Variants in OLA1 observed in about 807,000 individuals in gnomAD.
The protein encoded by OLA1 is obg-like ATPase 1.
In OLA1, 14 loss-of-function variants were observed where a neutral mutation model predicts 48.4. That is an observed-to-expected ratio of 0.29 (90% CI 0.19 to 0.45). The LOEUF is 0.45. Among genes scored for constraint, OLA1 ranks in the 20% least tolerant of loss-of-function variants. OLA1 has a pLI of 1.00. For synonymous variants in OLA1, 127 were observed against 150.4 expected (o/e 0.84, Z 1.14); for missense variants, 325 against 467.1 (o/e 0.70, Z 2.80).
intron 7 of OLA1, among the ~76,000 whole-genome samples, chr2:174,119,344 C>T (rs980047709): frequency 6.6e-6 from 1 of 151,954 alleles, no homozygotes; most frequent in African/African-American, 2.4e-5. Context: ...GTAATCTTTC[C>T]AAAGCAGAAT....
At chr2:174,081,070 G>T in intron 9 of OLA1, 82 bp downstream of exon 9, 1 of 1,188,950 alleles carries the variant, frequency 8.4e-7, no homozygotes, top group South Asian at 1.3e-5. Context: ...CCGCCACCAT[G>T]ACAAACTTCA....
At chr2:174,193,140 A>G (rs1388080394) in intron 4 of OLA1, among the ~76,000 whole-genome samples, 1 of 144,574 alleles carries the variant, frequency 6.9e-6, no homozygotes. Flanking sequence ...CCCAGGCTGG[A>G]GTGCAGTGGC....
intron 4 of OLA1, among the ~76,000 whole-genome samples, chr2:174,165,153 T>G (rs1687131545): frequency 1.3e-5 from 2 of 152,190 alleles, no homozygotes; most frequent in Non-Finnish European, 2.9e-5. Flanking sequence ...TTCTAAGCCA[T>G]TTTGAACTGG....
chr2:174,182,315 G>A (rs139280194), intron 4 of OLA1, among the ~76,000 whole-genome samples: 4 of 152,146 alleles, frequency 2.6e-5, no homozygotes, highest in Admixed American at 2.0e-4. Context: ...ACCTGAGGTC[G>A]GGAGTTCGAG....
At chr2:174,160,459 G>C (rs1686984974) in intron 4 of OLA1, among the ~76,000 whole-genome samples, 1 of 152,098 alleles carries the variant, frequency 6.6e-6, no homozygotes, top group Non-Finnish European at 1.5e-5. Flanking sequence ...TTTTTGAAAA[G>C]AGATTCAACC....
chr2:174,103,926 GCA>G (rs1685456090), intron 7 of OLA1, among the ~76,000 whole-genome samples: 3 of 152,130 alleles, frequency 2.0e-5, no homozygotes, highest in Admixed American at 2.0e-4. Flanking sequence ...TTCTGTGGAA[GCA>G]CAGAGTCATC....
At chr2:174,216,565 A>G (rs1195931732) in intron 4 of OLA1, among the ~76,000 whole-genome samples, 1 of 151,972 alleles carries the variant, frequency 6.6e-6, no homozygotes, top group African/African-American at 2.4e-5. Context: ...CTTACTTTTT[A>G]TTTTTAAGAC....
At chr2:174,247,120 G>A (rs73037875) in intron 1 of OLA1, 27,151 of 185,862 alleles carry the variant, frequency 0.15, 2,548 homozygotes, top group Middle Eastern at 0.21. Context: ...CTTTGGGAGG[G>A]GGAGGCCGAG....
At chr2:174,150,104 GAA>G (rs1438033576) in intron 4 of OLA1, among the ~76,000 whole-genome samples, 2 of 152,204 alleles carry the variant, frequency 1.3e-5, no homozygotes, top group Non-Finnish European at 2.9e-5. Flanking sequence ...TCATGTGTTG[GAA>G]ACTTGATCTC....
intron 2 of OLA1, among the ~76,000 whole-genome samples, chr2:174,235,048 A>G (rs929167415): frequency 6.6e-6 from 1 of 152,144 alleles, no homozygotes; most frequent in African/African-American, 2.4e-5. Flanking sequence ...AATCGCAGCT[A>G]CGTGGGAGGC....
intron 4 of OLA1, among the ~76,000 whole-genome samples, chr2:174,168,874 C>G (rs556940249): frequency 2.4e-4 from 36 of 151,196 alleles, no homozygotes; most frequent in East Asian, 2.1e-3. Context: ...TCAACAGAAA[C>G]TAATCTGAAC....
intron 5 of OLA1, chr2:174,124,433 A>G (rs1442483629): frequency 6.6e-6 from 1 of 152,258 alleles, no homozygotes; most frequent in Admixed American, 6.5e-5. Context: ...CTTTCTTCAC[A>G]GAAAGATTAA....
intron 4 of OLA1, among the ~76,000 whole-genome samples, chr2:174,169,694 G>A (rs554183239): frequency 6.6e-6 from 1 of 152,172 alleles, no homozygotes; most frequent in African/African-American, 2.4e-5. Context: ...TAAAAGAAAT[G>A]ATAAGTAGAA....
intron 5 of OLA1, among the ~76,000 whole-genome samples, chr2:174,124,105 C>T (rs1017851941): frequency 5.3e-5 from 8 of 152,154 alleles, no homozygotes; most frequent in African/African-American, 1.7e-4. Flanking sequence ...AGCCTATTAT[C>T]GATGATCCAG....
chr2:174,133,256 G>A (rs376589449), intron 5 of OLA1, among the ~76,000 whole-genome samples: 3 of 152,128 alleles, frequency 2.0e-5, no homozygotes, highest in African/African-American at 7.2e-5. Flanking sequence ...GGACATAACC[G>A]CATTGTACGT....
At chr2:174,236,827 A>G (rs1234220137) in intron 2 of OLA1, among the ~76,000 whole-genome samples, 1 of 152,164 alleles carries the variant, frequency 6.6e-6, no homozygotes, top group African/African-American at 2.4e-5. Flanking sequence ...AATACATATA[A>G]AAGTGAAATA....
At chr2:174,201,724 T>G (rs1687993980) in intron 4 of OLA1, among the ~76,000 whole-genome samples, 1 of 152,204 alleles carries the variant, frequency 6.6e-6, no homozygotes. Context: ...TTATACTGCT[T>G]ATAACACATT....
chr2:174,155,541 T>G (rs1686856014), intron 4 of OLA1, among the ~76,000 whole-genome samples: 1 of 152,140 alleles, frequency 6.6e-6, no homozygotes, highest in Non-Finnish European at 1.5e-5. Flanking sequence ...ACACAAGAAA[T>G]TTCTTGTTAT....
intron 7 of OLA1, among the ~76,000 whole-genome samples, chr2:174,110,442 G>A (rs555237898): frequency 4.0e-5 from 6 of 150,806 alleles, no homozygotes; most frequent in African/African-American, 9.8e-5. Context: ...GTGAGACACC[G>A]TGCCCGGCCA....
Sources: allele counts gnomAD v4.1 joint callset (sites outside exome capture counted in the v4.1 genomes callset), GRCh38; gene constraint gnomAD v4.1.1; transcripts MANE v1.5; gene names NCBI Gene and HGNC (gene_info 2026-07-23, HGNC 2026-07-21).